The following ADGRG3 variants were observed in gnomAD, a reference collection of about 807,000 sequenced individuals.
The protein encoded by ADGRG3 is G protein-coupled receptor 97.
ADGRG3 carries 39 observed loss-of-function variants against 54.3 expected under a neutral mutation model. The observed-to-expected ratio is 0.72, with a 90% CI of 0.56 to 0.94. The LOEUF is 0.94. Ranked by LOEUF, ADGRG3 falls within the 40% of genes least tolerant of loss-of-function variation. The pLI is 0.00. For synonymous variants in ADGRG3, 312 were observed against 290.0 expected, an observed-to-expected ratio of 1.08 and a Z score of -0.77; for missense variants, 654 against 694.6, an observed-to-expected ratio of 0.94 and a Z score of 0.66.
Position 57,676,230 on chromosome 16 carries a change from G to A in ADGRG3, c.237G>A (p.Met79Ile). Residue 79 changes from methionine to isoleucine, a missense_variant, in exon 3 of 12, where the codon ATG (methionine) becomes ATA (isoleucine). Transcript: ENST00000333493. The part of the protein sequence containing the change: ...RYWLNYEAHL[M>I]KEGLTQKVNT... ...GGCTAAACTACGAGGCCCATCTGATGAAGGAAGGTTTGACGCAGAAGGTGA... is the reference window on the plus strand; with the variant it reads ...GGCTAAACTACGAGGCCCATCTGATAAAGGAAGGTTTGACGCAGAAGGTGA... The A allele has an allele frequency of 6.2e-7, 1 of 1,614,116 alleles. No individual in the cohort carries two copies.
At chr16:57,668,946 G>C (rs995795241) in intron 1 of ADGRG3, among the ~76,000 whole-genome samples, 2 of 152,124 alleles carry the variant, frequency 1.3e-5, no homozygotes, top group Non-Finnish European at 2.9e-5. Context: ...ACTCCTCCCC[G>C]TCACTCTCCC....
Position 57,678,216 on chromosome 16 carries a change from T to C in ADGRG3, c.392T>C (p.Val131Ala). 1 of 1,614,062 alleles carries C rather than the reference T, an allele frequency of 6.2e-7. No individual in the cohort carries two copies. The highest frequency in any genetic ancestry group is 8.5e-7 in the Non-Finnish European group (1 of 1,179,972). ...MKDEDKPPDR[V>A]RLPKSLFRSL... ...GACGAGGACAAGCCCCCTGACAGAGTGCGACTTCCCAAGAGCCTTTTTCGA... is the reference window on the plus strand; with the variant it reads ...GACGAGGACAAGCCCCCTGACAGAGCGCGACTTCCCAAGAGCCTTTTTCGA... The change falls in exon 4 of 12, where the codon GTG (valine) becomes GCG (alanine). Residue 131 changes from valine (V) to alanine (A), a missense_variant. Physicochemically the swap from Val to Ala is moderately conservative, Grantham distance 64. Transcript: ENST00000333493.
intron 11 of ADGRG3, among the ~76,000 whole-genome samples, chr16:57,686,458 C>A (rs2048475599): frequency 6.6e-6 from 1 of 152,170 alleles, no homozygotes; most frequent in Admixed American, 6.5e-5. Context: ...CCACCTCCAA[C>A]ATTGGGAATC....
At chr16:57,676,840 AACAAAACAAAAC>A (rs2048273201) in intron 3 of ADGRG3, among the ~76,000 whole-genome samples, 1 of 152,292 alleles carries the variant, frequency 6.6e-6, no homozygotes, top group South Asian at 2.1e-4. Context: ...TCTCTACGAA[AACAAAACAAAAC>A]ACAAAACAAA....
intron 1 of ADGRG3, among the ~76,000 whole-genome samples, chr16:57,669,423 C>T (rs1264611079): frequency 6.6e-6 from 1 of 152,186 alleles, no homozygotes; most frequent in East Asian, 1.9e-4. Flanking sequence ...GAGCAGGCCA[C>T]CAGGCAGCCC....
intron 1 of ADGRG3, among the ~76,000 whole-genome samples, chr16:57,670,107 T>C (rs548286656): frequency 4.6e-5 from 7 of 152,246 alleles, no homozygotes; most frequent in Admixed American, 6.5e-5. Context: ...TGGGGGCAAA[T>C]GCCCACTCTG....
intron 9 of ADGRG3, 80 bp downstream of exon 9, chr16:57,684,292 G>A: frequency 6.4e-7 from 1 of 1,573,484 alleles, no homozygotes; most frequent in South Asian, 1.2e-5. Flanking sequence ...GAGAGAGGAG[G>A]GGTTCCCAGA....
At chr16:57,680,881 C>A (rs547366664) in intron 8 of ADGRG3, among the ~76,000 whole-genome samples, 1 of 152,328 alleles carries the variant, frequency 6.6e-6, no homozygotes, top group Non-Finnish European at 1.5e-5. Flanking sequence ...AAATAGGGTT[C>A]ATGTAATTGA....
At chr16:57,681,206 TC>T (rs1169805095) in intron 8 of ADGRG3, 1 of 157,162 alleles carries the variant, frequency 6.4e-6, no homozygotes, top group Non-Finnish European at 1.4e-5. Flanking sequence ...TCTCCCAGAT[TC>T]CCCCTGTGGA....
At position 57,678,209 on chromosome 16, in the gene ADGRG3, G is replaced by C; in HGVS notation, c.385G>C (p.Asp129His). ...QVMKDEDKPP[D>H]RVRLPKSLFR... ...GATGAAGGACGAGGACAAGCCCCCT[G>C]ACAGAGTGCGACTTCCCAAGAGCCT... Residue 129 changes from aspartate to histidine, a missense_variant, in exon 4 of 12, where the codon GAC (aspartate) becomes CAC (histidine). By Grantham distance (81) the Asp-to-His change is moderately conservative (BLOSUM62 -1). Coordinates refer to ENST00000333493, the MANE Select transcript of ADGRG3 (RefSeq NM_170776.5). 1 of 1,614,218 alleles carries C rather than the reference G, an allele frequency of 6.2e-7. No individual in the cohort carries two copies. The highest frequency in any genetic ancestry group is 8.5e-7 in the Non-Finnish European group (1 of 1,180,020).
intron 3 of ADGRG3, 83 bp downstream of exon 3, chr16:57,676,421 C>CA: frequency 1.6e-5 from 21 of 1,334,730 alleles, no homozygotes; most frequent in Non-Finnish European, 2.0e-5. Context: ...AGAGTTATAT[C>CA]CTGTGATATA....
At chr16:57,682,795 C>A (rs1418056374) in intron 8 of ADGRG3, among the ~76,000 whole-genome samples, 13 of 152,006 alleles carry the variant, frequency 8.6e-5, no homozygotes, top group South Asian at 2.1e-4. Flanking sequence ...AGGGTTGGAG[C>A]CCCTGCCCTG....
Position 57,684,436 on chromosome 16 carries a change from C to A in ADGRG3, c.1209C>A (p.Tyr403Ter). ...MVIGTGSANS[Y>*]GLYTIRDREN... ...TCGGCACTGGGAGTGCCAACAGCTA[C>A]GGCCTCTACACCATCCGTGATAGGG... The change falls in exon 10 of 12, where the codon TAC becomes TAA. Residue 403 changes from tyrosine (Y) to a stop codon, truncating the protein, a stop_gained. Coordinates refer to ENST00000333493, the MANE Select transcript of ADGRG3 (RefSeq NM_170776.5). LOFTEE classifies it high-confidence loss of function. 1 of 1,613,912 alleles carries A rather than the reference C, an allele frequency of 6.2e-7. No homozygotes were observed. The highest frequency in any genetic ancestry group is 8.5e-7 in the Non-Finnish European group (1 of 1,179,946).
chr16:57,684,725 G>T (rs2048441297), intron 10 of ADGRG3, among the ~76,000 whole-genome samples: 1 of 152,190 alleles, frequency 6.6e-6, no homozygotes, highest in South Asian at 2.1e-4. Context: ...GGACCAGGAG[G>T]CAGGATGCCT....
chr16:57,667,001 G>T (rs1224820708), upstream of ADGRG3, among the ~76,000 whole-genome samples: 1 of 152,230 alleles, frequency 6.6e-6, no homozygotes, highest in Non-Finnish European at 1.5e-5. Flanking sequence ...CAGGTGTGGA[G>T]CAGTGGCAGG....
intron 11 of ADGRG3, 45 bp downstream of exon 11, chr16:57,685,971 C>G: frequency 1.3e-6 from 2 of 1,591,984 alleles, no homozygotes; most frequent in Non-Finnish European, 1.7e-6. Flanking sequence ...GTTGTCTGTC[C>G]CAGGAGGTAT....
chr16:57,684,634 C>A, intron 10 of ADGRG3, 151 bp downstream of exon 10: 1 of 606,104 alleles, frequency 1.6e-6, no homozygotes, highest in South Asian at 2.0e-5. Context: ...TAGCTCATGG[C>A]ACAGAGAAGT....
chr16:57,683,855 G>A, intron 8 of ADGRG3, 77 bp from the exon 9 acceptor site: 2 of 1,233,214 alleles, frequency 1.6e-6, no homozygotes, highest in Non-Finnish European at 2.3e-6. Context: ...GGCTATTGGG[G>A]TGGACAGGCT....
chr16:57,676,164 G>A lies in ADGRG3; in HGVS notation c.207-36G>A, dbSNP rs145680982. The A allele has an allele frequency of 6.6e-3, 10,627 of 1,605,732 alleles. 55 individuals carry two copies. The highest frequency in any genetic ancestry group is 0.012 in the Middle Eastern group (73 of 6,030). On this transcript the variant is annotated intron_variant, in intron 2 of 11. Coordinates refer to ENST00000333493, the MANE Select transcript of ADGRG3 (RefSeq NM_170776.5). ...TGATGAGTGAGTAACTCAGCCTGCAGGATCCTACCCTCCCCCCATCCCTGG... is the reference window on the plus strand; with the variant it reads ...TGATGAGTGAGTAACTCAGCCTGCAAGATCCTACCCTCCCCCCATCCCTGG...
Sources: gnomAD v4.1 joint callset for allele counts (sites outside exome capture counted in the v4.1 genomes callset) on GRCh38, gnomAD v4.1.1 for gene constraint, MANE v1.5 for transcripts, NCBI Gene and HGNC (gene_info 2026-07-23, HGNC 2026-07-21) for gene names.